Variants in NDUFA10 observed in about 807,000 individuals in gnomAD.
NDUFA10 encodes NADH dehydrogenase [ubiquinone] 1 alpha subcomplex subunit 10, mitochondrial.
In NDUFA10, 40 loss-of-function variants were observed where a neutral mutation model predicts 47.8. That is an observed-to-expected ratio of 0.84 (90% CI 0.65 to 1.09). The LOEUF (loss-of-function observed/expected upper bound fraction) is 1.09. Ranked by LOEUF, NDUFA10 falls within the 50% of genes least tolerant of loss-of-function variation. The pLI is 0.00. For synonymous variants in NDUFA10, 183 were observed against 172.2 expected (o/e 1.06, Z -0.49); for missense variants, 413 against 451.1 (o/e 0.92, Z 0.76).
In NDUFA10 at chr2:239,896,384, C is replaced by A. The variant is rs565928732; in HGVS notation, c.295-1070G>T. ...AAGTGCAAGGCCCCATGAGATTGCA[C>A]GCCTGTGAAGCTGGCAGTACCCTCG... On this transcript the variant is annotated intron_variant, in intron 4 of 5. Coordinates refer to the NDUFA10 transcript ENST00000419408. Among the ~76,000 whole-genome samples the A allele has an allele frequency of 5.9e-5, 9 of 152,206 alleles. 1 individual carries two copies. The highest frequency in any genetic ancestry group is 3.2e-3 in the Middle Eastern group (1 of 316).
rs1231348130 is a variant in NDUFA10 at position 239,899,484 on chromosome 2, A to AGGTGTGATGGAGG, written c.295-4183_295-4171dup. Among the ~76,000 whole-genome samples, 568 of 104,782 alleles carry AGGTGTGATGGAGG rather than the reference A, an allele frequency of 5.4e-3. 29 individuals carry two copies. In the East Asian group the frequency reaches 0.075, roughly 14 times the overall value. 68.7% of individuals were successfully genotyped at this position (104,782 alleles called of 152,430 possible). A position where few individuals can be genotyped will look rare whatever the true frequency, so the allele number is the denominator to read the frequency against. ...GGTGTGACGGAGGGGTGTGATGGAG[A>AGGTGTGATGGAGG]GGTGTGATGGAGGGGTGTGATGGTC... On this transcript the variant is annotated intron_variant, in intron 4 of 5. Transcript: ENST00000419408.
intron 6 of NDUFA10, among the ~76,000 whole-genome samples, chr2:240,010,500 T>G (rs115495226): frequency 0.014 from 2,168 of 152,280 alleles, 34 homozygotes; most frequent in Middle Eastern, 0.024. Flanking sequence ...CCTGAAACTC[T>G]AGGGTCAACT....
At chr2:239,995,191 T>G (rs939817938) in intron 8 of NDUFA10, among the ~76,000 whole-genome samples, 1 of 151,896 alleles carries the variant, frequency 6.6e-6, no homozygotes, top group Non-Finnish European at 1.5e-5. Flanking sequence ...TAAGAACTGC[T>G]GGAACCCAGG....
rs1199538162 is a variant in NDUFA10 at position 239,945,278 on chromosome 2, C to T, written c.294+44796G>A. On this transcript the variant is annotated intron_variant, in intron 4 of 5. Coordinates refer to the NDUFA10 transcript ENST00000419408. This position sits in a 1 kb window ranked among gnomAD's most constrained non-coding sequence, Gnocchi z 4.6. Reference sequence around the variant, plus strand: ...CATTTGCACAACCGCAGCGGCAGCGCCATCATTCCTCCTGCTTTGCAGCCA... The same window carrying T: ...CATTTGCACAACCGCAGCGGCAGCGTCATCATTCCTCCTGCTTTGCAGCCA... 1.3e-5 allele frequency among the ~76,000 whole-genome samples: 2 copies of T among 152,230 alleles called. No individual in the cohort carries two copies. Among genetic ancestry groups the T allele is most frequent in the Non-Finnish European group, 2.9e-5 (2 of 68,044 alleles).
At chr2:239,953,564 G>A (rs111772002), downstream of NDUFA10, among the ~76,000 whole-genome samples, 1 of 152,198 alleles carries the variant, frequency 6.6e-6, no homozygotes, top group African/African-American at 2.4e-5. Context: ...CCTGCAGGAG[G>A]AGCACTCGGT....
chr2:240,001,283 A>G (rs1696705854), intron 8 of NDUFA10, among the ~76,000 whole-genome samples: 1 of 152,264 alleles, frequency 6.6e-6, no homozygotes, highest in Admixed American at 6.5e-5. Flanking sequence ...AAAAAAGCTT[A>G]GTATTAAAGA....
chr2:239,968,084 C>T (rs966231302), intron 9 of NDUFA10, among the ~76,000 whole-genome samples: 1 of 151,830 alleles, frequency 6.6e-6, no homozygotes, highest in African/African-American at 2.4e-5. Context: ...GAGAGATGAA[C>T]GAAGCCAGTC....
At chr2:240,010,909 G>T (rs1697115549) in intron 6 of NDUFA10, among the ~76,000 whole-genome samples, 1 of 152,104 alleles carries the variant, frequency 6.6e-6, no homozygotes, top group South Asian at 2.1e-4. Flanking sequence ...AAGAACATGA[G>T]ATTTTTAGGC....
Position 240,016,110 on chromosome 2 carries a change from G to C in NDUFA10, c.548-1250C>G, listed in dbSNP as rs1335860717. 6.6e-6 allele frequency among the ~76,000 whole-genome samples: 1 copy of C among 152,038 alleles called. No individual in the cohort carries two copies. Among genetic ancestry groups the C allele is most frequent in the Non-Finnish European group, 1.5e-5 (1 of 67,990 alleles). On this transcript the variant is annotated intron_variant, in intron 4 of 9. Coordinates refer to ENST00000252711, the MANE Select transcript of NDUFA10 (RefSeq NM_004544.4). The surrounding 1 kb of genome is among the most constrained non-coding windows in gnomAD (Gnocchi z 4.4). ...GAGCATTCCTAGTAACCTCACTCTA[G>C]AGGCAACTGTGGGATGAGCCTTTGG...
At chr2:239,902,547 T>A (rs1001199462) in intron 4 of NDUFA10, among the ~76,000 whole-genome samples, 4 of 152,248 alleles carry the variant, frequency 2.6e-5, no homozygotes, top group African/African-American at 9.6e-5. Context: ...TGCAACTTAC[T>A]TTTTTGCAAT....
At chr2:240,000,534 A>AG (rs1186098695) in intron 8 of NDUFA10, among the ~76,000 whole-genome samples, 22 of 152,358 alleles carry the variant, frequency 1.4e-4, no homozygotes, top group Admixed American at 5.9e-4. Context: ...CTCTTACTGA[A>AG]GAAAAAAACT....
At chr2:239,916,193 AACAC>A (rs993384486) in intron 4 of NDUFA10, among the ~76,000 whole-genome samples, 9 of 151,134 alleles carry the variant, frequency 6.0e-5, no homozygotes, top group South Asian at 2.1e-4. Context: ...ATACACACAG[AACAC>A]ACACATACAT....
intron 9 of NDUFA10, among the ~76,000 whole-genome samples, chr2:239,964,892 G>T (rs548121392): frequency 6.6e-6 from 1 of 152,182 alleles, no homozygotes; most frequent in African/African-American, 2.4e-5. Context: ...ATCACCGAAA[G>T]GTTTTCCCGT....
chr2:239,912,457 T>C (rs2106472577), intron 4 of NDUFA10, among the ~76,000 whole-genome samples: 1 of 152,318 alleles, frequency 6.6e-6, no homozygotes, highest in East Asian at 1.9e-4. Context: ...AAGACACACT[T>C]GTACCCAGAA....
At chr2:239,893,992 G>A (rs906096419) in intron 5 of NDUFA10, among the ~76,000 whole-genome samples, 2 of 109,192 alleles carry the variant, frequency 1.8e-5, no homozygotes, top group African/African-American at 3.6e-5. Context: ...CCTGCCTCCC[G>A]TCCTCAGTTC....
chr2:239,909,653 A>G (rs1167313977), intron 4 of NDUFA10, among the ~76,000 whole-genome samples: 1 of 152,076 alleles, frequency 6.6e-6, no homozygotes, highest in Non-Finnish European at 1.5e-5. Context: ...CCTAGAAGAA[A>G]ATCTAGGCAA....
In NDUFA10 at chr2:239,958,282, C is replaced by T. The variant is rs1694716364; in HGVS notation, c.*2836G>A. The T allele has an allele frequency of 6.6e-6, 1 of 152,234 alleles. No individual in the cohort carries two copies. The highest frequency in any genetic ancestry group is 2.4e-5 in the African/African-American group (1 of 41,454). The allele number at this position is 152,234 out of a possible 1,614,324, so 9.4% of individuals were successfully genotyped here. ...ATGCTTCTTCCCAGAAAGTAGCCGC[C>T]TGCTTGCTTCTTTGCATTGACATTT... is the stretch of plus-strand genomic sequence containing the variant. On this transcript the variant is annotated 3_prime_UTR_variant, in exon 10 of 10. Coordinates refer to ENST00000252711, the MANE Select transcript of NDUFA10 (RefSeq NM_004544.4).
intron 8 of NDUFA10, among the ~76,000 whole-genome samples, chr2:240,001,114 G>A (rs1431892637): frequency 1.3e-5 from 2 of 152,126 alleles, no homozygotes; most frequent in Non-Finnish European, 2.9e-5. Flanking sequence ...ACTGCACTGG[G>A]GCATGCACAG....
chr2:239,989,041 A>G (rs1175180891), intron 9 of NDUFA10, among the ~76,000 whole-genome samples: 1 of 150,956 alleles, frequency 6.6e-6, no homozygotes, highest in Middle Eastern at 3.2e-3. Flanking sequence ...CAGCACGCGC[A>G]CTCACACAAG....
Sources: allele counts gnomAD v4.1 joint callset (sites outside exome capture counted in the v4.1 genomes callset), GRCh38; gene constraint gnomAD v4.1.1; non-coding constraint Gnocchi (gnomAD v3.1); transcripts MANE v1.5; gene names NCBI Gene and HGNC (gene_info 2026-07-23, HGNC 2026-07-21).